Variants in SDK2 observed in about 807,000 individuals in gnomAD.
SDK2 encodes sidekick cell adhesion molecule 2.
In SDK2, 105 loss-of-function variants were observed where a neutral mutation model predicts 253.9. The ratio of observed to expected loss-of-function variants is 0.41; its 90% CI spans 0.35 to 0.49. SDK2 has a LOEUF of 0.49. Among genes scored for constraint, SDK2 ranks in the 20% least tolerant of loss-of-function variants. The pLI is 0.06. For synonymous variants in SDK2, 1,249 were observed against 1,234.9 expected (o/e 1.01, Z -0.24); for missense variants, 2,608 against 3,003.0 (o/e 0.87, Z 3.07).
intron 13 of SDK2, 32 bp downstream of exon 13, chr17:73,423,884 C>T (rs1261979129): frequency 1.3e-6 from 2 of 1,516,016 alleles, no homozygotes; most frequent in Non-Finnish European, 8.9e-7. Context: ...GCCTGGACCG[C>T]CTCTGCCGGG....
chr17:73,473,219 A>T (rs558188671), intron 2 of SDK2, among the ~76,000 whole-genome samples: 13 of 152,310 alleles, frequency 8.5e-5, no homozygotes, highest in African/African-American at 2.9e-4. Context: ...AGACTCTGGC[A>T]TTGGGGGGCA....
At chr17:73,374,920 C>T (rs150351195) in intron 36 of SDK2, among the ~76,000 whole-genome samples, 1 of 152,156 alleles carries the variant, frequency 6.6e-6, no homozygotes, top group Non-Finnish European at 1.5e-5. Flanking sequence ...CCATTTCAGA[C>T]TCTGCTCAGC....
At chr17:73,637,039 C>T (rs2046341061) in intron 1 of SDK2, among the ~76,000 whole-genome samples, 1 of 152,102 alleles carries the variant, frequency 6.6e-6, no homozygotes, top group Admixed American at 6.5e-5. Flanking sequence ...CCAGGTCAGC[C>T]CAATTCTGAG....
intron 1 of SDK2, among the ~76,000 whole-genome samples, chr17:73,611,423 C>T (rs181009435): frequency 8.5e-5 from 13 of 152,348 alleles, no homozygotes; most frequent in African/African-American, 2.9e-4. Flanking sequence ...GGAGGCCAGG[C>T]TATGGCATAG....
Position 73,439,789 on chromosome 17 carries a change from G to T in SDK2, c.725+1023C>A, listed in dbSNP as rs1221412954. 1.3e-5 allele frequency among the ~76,000 whole-genome samples: 2 copies of T among 152,188 alleles called. 1 individual carries two copies. The highest frequency in any genetic ancestry group is 3.9e-4 in the East Asian group (2 of 5,188). ...TGTGGAGACTGAGGCCCAGAGGGCG[G>T]CAGTGAGTACAGGCCTGGGGGAGAG... On this transcript the variant is annotated intron_variant, in intron 6 of 44. Transcript: ENST00000392650.
chr17:73,507,586 G>C lies in SDK2; in HGVS notation c.76C>G (p.Pro26Ala), dbSNP rs2063946268. The C allele has an allele frequency of 6.4e-7, 1 of 1,551,238 alleles. No homozygotes were observed. Among genetic ancestry groups the C allele is most frequent in the Admixed American group, 2.0e-5 (1 of 50,968 alleles). Reference sequence around the variant, plus strand: ...CGCACAGGCTCTGTCTTGAAATACGGGGACACATCATCTGCAGAAACAGGG... The same window carrying C: ...CGCACAGGCTCTGTCTTGAAATACGCGGACACATCATCTGCAGAAACAGGG... Reference protein sequence around the residue: ...RAARAQDDVSPYFKTEPVRTQ... With the variant: ...RAARAQDDVSAYFKTEPVRTQ... Residue 26 changes from proline to alanine, a missense_variant, in exon 2 of 45, where the codon CCG becomes GCG. Physicochemically the swap from Pro to Ala is conservative, Grantham distance 27. Transcript: ENST00000392650.
At chr17:73,469,992 G>GCGCGCTCACA (rs1328450219) in intron 3 of SDK2, among the ~76,000 whole-genome samples, 1 of 126,184 alleles carries the variant, frequency 7.9e-6, no homozygotes, top group African/African-American at 3.1e-5. Context: ...GCGCGCGCGC[G>GCGCGCTCACA]CACACACACA....
chr17:73,553,233 AG>A lies in SDK2; in HGVS notation c.65-45637del, dbSNP rs2045091841. Among the ~76,000 whole-genome samples, 2 of 145,758 alleles carry A rather than the reference AG, an allele frequency of 1.4e-5. 1 individual carries two copies. Among genetic ancestry groups the A allele is most frequent in the South Asian group, 4.3e-4 (2 of 4,644 alleles). ...GCAAGAGGCAGAGATGGGGCAGGAC[AG>A]GCCACGGGGGGCCAGTGGTGGGAGC... On this transcript the variant is annotated intron_variant, in intron 1 of 44. Transcript: ENST00000392650.
intron 1 of SDK2, among the ~76,000 whole-genome samples, chr17:73,582,848 C>T (rs755520896): frequency 2.0e-5 from 3 of 152,196 alleles, no homozygotes; most frequent in Non-Finnish European, 2.9e-5. Flanking sequence ...TGTGCAGAAG[C>T]GTGGTGGTCA....
At chr17:73,595,136 T>C (rs1035606479) in intron 1 of SDK2, among the ~76,000 whole-genome samples, 2 of 152,108 alleles carry the variant, frequency 1.3e-5, no homozygotes, top group African/African-American at 4.8e-5. Flanking sequence ...GGTGGGCACT[T>C]GCTGAATAAG....
intron 20 of SDK2, 52 bp from the exon 21 acceptor site, chr17:73,401,263 C>T: frequency 1.4e-6 from 2 of 1,466,530 alleles, no homozygotes; most frequent in Non-Finnish European, 1.8e-6. Flanking sequence ...ACAAGTTGGC[C>T]TGACCCACTA....
intron 1 of SDK2, among the ~76,000 whole-genome samples, chr17:73,638,712 T>C (rs1213377449): frequency 2.0e-5 from 3 of 151,986 alleles, no homozygotes; most frequent in Admixed American, 6.6e-5. Flanking sequence ...AATGGACACA[T>C]TATAAGAACT....
intron 2 of SDK2, among the ~76,000 whole-genome samples, chr17:73,477,203 C>A (rs1365780925): frequency 6.6e-6 from 1 of 152,166 alleles, no homozygotes; most frequent in African/African-American, 2.4e-5. Context: ...ATCCCCAATG[C>A]GCTCCCTCCT....
chr17:73,612,979 C>T lies in SDK2; in HGVS notation c.64+31046G>A, dbSNP rs1219017512. ...AGCAGCCTACCAGATGTTTAGTATA[C>T]ACCAGGCTCTGTGCGACATGCTGTC... On this transcript the variant is annotated intron_variant, in intron 1 of 44. Coordinates refer to ENST00000392650, the MANE Select transcript of SDK2 (RefSeq NM_001144952.2). The surrounding 1 kb of genome is among the most constrained non-coding windows in gnomAD (Gnocchi z 4.4). 6.6e-6 allele frequency among the ~76,000 whole-genome samples: 1 copy of T among 152,142 alleles called. No homozygotes were observed. The highest frequency in any genetic ancestry group is 1.5e-5 in the Non-Finnish European group (1 of 68,026).
intron 13 of SDK2, 108 bp downstream of exon 13, chr17:73,423,808 G>A (rs2063255068): frequency 2.2e-5 from 21 of 943,596 alleles, no homozygotes; most frequent in Non-Finnish European, 3.2e-5. Context: ...GAACAGTTCA[G>A]GTCACACGTG....
chr17:73,414,626 A>C lies in SDK2; in HGVS notation c.2484+18T>G. 17 of 1,587,156 alleles carry C rather than the reference A, an allele frequency of 1.1e-5. No individual in the cohort carries two copies. Among genetic ancestry groups the C allele is most frequent in the East Asian group, 2.2e-5 (1 of 44,698 alleles). On this transcript the variant is annotated intron_variant, in intron 18 of 44. Coordinates refer to ENST00000392650, the MANE Select transcript of SDK2 (RefSeq NM_001144952.2). ...AGATCTTAGGGCCTCCTCTTGGGTGAGGAGATGCCTCATGTACCTTGTAGC... is the reference window on the plus strand; with the variant it reads ...AGATCTTAGGGCCTCCTCTTGGGTGCGGAGATGCCTCATGTACCTTGTAGC...
intron 1 of SDK2, among the ~76,000 whole-genome samples, chr17:73,510,502 G>A (rs903802425): frequency 2.0e-5 from 3 of 152,088 alleles, no homozygotes; most frequent in African/African-American, 7.2e-5. Context: ...GACTGCTGAT[G>A]TTTCATTTTG....
At chr17:73,470,265 A>T (rs1156418798) in intron 3 of SDK2, among the ~76,000 whole-genome samples, 1 of 151,368 alleles carries the variant, frequency 6.6e-6, no homozygotes, top group Non-Finnish European at 1.5e-5. Flanking sequence ...ACATATACCC[A>T]AGCACACATG....
In SDK2 at chr17:73,609,236, G is replaced by C. The variant is rs1254067700; in HGVS notation, c.64+34789C>G. Among the ~76,000 whole-genome samples, 1 of 152,156 alleles carries C rather than the reference G, an allele frequency of 6.6e-6. No homozygotes were observed. Among genetic ancestry groups the C allele is most frequent in the East Asian group, 1.9e-4 (1 of 5,186 alleles). On this transcript the variant is annotated intron_variant, in intron 1 of 44. Transcript: ENST00000392650. This position sits in a 1 kb window ranked among gnomAD's most constrained non-coding sequence, Gnocchi z 4.4. ...GTGTGAGAGATGGGTCTGGGCTGGA[G>C]GGAATACACATGGGTATCGCAGGCA...
Sources: allele counts gnomAD v4.1 joint callset (sites outside exome capture counted in the v4.1 genomes callset), GRCh38; gene constraint gnomAD v4.1.1; non-coding constraint Gnocchi (gnomAD v3.1); transcripts MANE v1.5; gene names NCBI Gene and HGNC (gene_info 2026-07-23, HGNC 2026-07-21).